NCAPD2: variants seen among roughly 807,000 people sequenced by gnomAD.
NCAPD2 encodes non-SMC condensin I complex subunit D2, also known as condensin complex subunit 1.
NCAPD2 carries 100 observed loss-of-function variants against 164.5 expected under a neutral mutation model. That is an observed-to-expected ratio of 0.61 (90% confidence interval 0.52 to 0.72). The LOEUF (loss-of-function observed/expected upper bound fraction) is 0.72, where lower values mean the gene tolerates loss of function less well. Ranked by LOEUF, NCAPD2 falls within the 30% of genes least tolerant of loss-of-function variation. NCAPD2 has a pLI of 0.00. For missense variants in NCAPD2, 1,560 were observed against 1,749.2 expected (o/e 0.89, Z 1.93); for synonymous variants, 585 against 642.6 (o/e 0.91, Z 1.36).
In NCAPD2 at chr12:6,511,193, A is replaced by C; in HGVS notation, c.528A>C (p.Leu176=). The change falls in exon 6 of 32, where the codon CTA becomes CTC. Residue 176 remains leucine (L), a synonymous_variant. Transcript: ENST00000315579. ...RQPILQLLTQ[L]LQLDIRHLWN... is the part of the protein sequence containing the mutation. ...CAATTCTTCAGCTTTTAACACAGCT[A>C]CTTCAGTTGGACATCCGTCACCTGT... 1 of 1,614,246 alleles carries C rather than the reference A, an allele frequency of 6.2e-7. No homozygotes were observed. Among genetic ancestry groups the C allele is most frequent in the Non-Finnish European group, 8.5e-7 (1 of 1,180,036 alleles).
At chr12:6,511,333 T>G in intron 6 of NCAPD2, 81 bp downstream of exon 6, 2 of 1,511,310 alleles carry the variant, frequency 1.3e-6, no homozygotes, top group Non-Finnish European at 1.8e-6. Context: ...TTTTTGGTTT[T>G]GTTTTTTTTT....
chr12:6,514,758 T>C lies in NCAPD2; in HGVS notation c.840-15T>C. ...TGATCTATGTTGCTATGGCTGTGTT[T>C]TCTTCCCTGTGTAGAGAGATTGGAC... On this transcript the variant is annotated splice_polypyrimidine_tract_variant and intron_variant, in intron 8 of 31. Transcript: ENST00000315579. 1.2e-6 allele frequency: 2 copies of C among 1,613,968 alleles called. No individual in the cohort carries two copies. The highest frequency in any genetic ancestry group is 1.7e-6 in the Non-Finnish European group (2 of 1,179,840).
Position 6,517,792 on chromosome 12 carries a change from C to T in NCAPD2, c.1422C>T (p.Asp474=). ...ACTCTCATTTAGCTGCAGTGCTGGA[C>T]CCAGAGGAGGAGTGGGAAGCCATGC... is the stretch of plus-strand genomic sequence containing the variant. The part of the protein sequence containing the change: ...RRTAAASAVL[D]PEEEWEAMLP... The change falls in exon 13 of 32, where the codon GAC becomes GAT. Residue 474 remains aspartate (D), a synonymous_variant. Transcript: ENST00000315579. 1 of 1,614,110 alleles carries T rather than the reference C, an allele frequency of 6.2e-7. No homozygotes were observed. The highest frequency in any genetic ancestry group is 1.3e-5 in the African/African-American group (1 of 75,026).
At chr12:6,510,923 A>G in intron 5 of NCAPD2, 113 bp downstream of exon 5, 1 of 1,390,880 alleles carries the variant, frequency 7.2e-7, no homozygotes, top group Non-Finnish European at 9.8e-7. Flanking sequence ...TTGAGAATTT[A>G]GGAGAAAGAA....
intron 14 of NCAPD2, 111 bp downstream of exon 14, chr12:6,521,221 C>A: frequency 7.6e-7 from 1 of 1,315,840 alleles, no homozygotes. Context: ...GCTGAAGAGC[C>A]CAGAGATGAA....
chr12:6,500,653 C>T (rs1048120372), intron 2 of NCAPD2, among the ~76,000 whole-genome samples: 1 of 152,278 alleles, frequency 6.6e-6, no homozygotes, highest in South Asian at 2.1e-4. Flanking sequence ...ATCAGGAAAT[C>T]TGTATTTTAA....
In NCAPD2 at chr12:6,511,265, G is replaced by T; in HGVS notation, c.587+13G>T. 6.2e-7 allele frequency: 1 copy of T among 1,613,852 alleles called. No individual in the cohort carries two copies. Among genetic ancestry groups the T allele is most frequent in the East Asian group, 2.2e-5 (1 of 44,884 alleles). On this transcript the variant is annotated intron_variant, in intron 6 of 31. Transcript: ENST00000315579. ...AAGAATTTGTCAGGTGGGTAGGGAG[G>T]ATGGCTACAGATAATACTGAGCTGT...
chr12:6,496,207 C>T (rs549496170), intron 2 of NCAPD2, among the ~76,000 whole-genome samples: 27 of 151,646 alleles, frequency 1.8e-4, no homozygotes, highest in African/African-American at 5.1e-4. Flanking sequence ...TACAGGTGCA[C>T]GCCACTACCA....
intron 17 of NCAPD2, 109 bp from the exon 18 acceptor site, chr12:6,525,474 A>T: frequency 7.8e-7 from 1 of 1,282,284 alleles, no homozygotes; most frequent in Non-Finnish European, 1.1e-6. Context: ...TTCTCTTCCT[A>T]AGTATTACTT....
intron 22 of NCAPD2, 117 bp downstream of exon 22, chr12:6,527,180 C>A: frequency 8.8e-7 from 1 of 1,136,276 alleles, no homozygotes; most frequent in Non-Finnish European, 1.2e-6. Context: ...AGAGTTTCTG[C>A]CTCTCTGTGG....
intron 5 of NCAPD2, 103 bp from the exon 6 acceptor site, chr12:6,511,007 T>A (rs1946141459): frequency 7.3e-7 from 1 of 1,362,902 alleles, no homozygotes; most frequent in Non-Finnish European, 1.0e-6. Context: ...CGTATTACCT[T>A]CTATGTTGTC....
chr12:6,504,813 G>A (rs767016363), intron 2 of NCAPD2, among the ~76,000 whole-genome samples: 2 of 151,966 alleles, frequency 1.3e-5, no homozygotes, highest in Non-Finnish European at 2.9e-5. Context: ...TGTATTTATC[G>A]ACACCATAAG....
chr12:6,517,706 T>G (rs762199783), intron 12 of NCAPD2, 23 bp downstream of exon 12: 2 of 1,613,944 alleles, frequency 1.2e-6, no homozygotes, highest in Non-Finnish European at 1.7e-6. Context: ...TGCCTTGGAG[T>G]CCTAATGCCA....
At chr12:6,507,155 A>G (rs1043656111) in intron 2 of NCAPD2, among the ~76,000 whole-genome samples, 10 of 152,038 alleles carry the variant, frequency 6.6e-5, no homozygotes, top group South Asian at 2.1e-4. Flanking sequence ...TTATTTATTT[A>G]TTTTTGAGAT....
At chr12:6,511,024 C>A in intron 5 of NCAPD2, 86 bp from the exon 6 acceptor site, 1 of 1,448,082 alleles carries the variant, frequency 6.9e-7, no homozygotes, top group Non-Finnish European at 9.5e-7. Context: ...TGTCTTGGTA[C>A]TAGATTGTTT....
At position 6,517,707 on chromosome 12, in the gene NCAPD2, C is replaced by G. The variant is rs765412229; in HGVS notation, c.1408+24C>G. On this transcript the variant is annotated intron_variant, in intron 12 of 31. Coordinates refer to ENST00000315579, the MANE Select transcript of NCAPD2 (RefSeq NM_014865.4). ...TTGTAAGTAGTTACTGCCTTGGAGT[C>G]CTAATGCCAGACAGGCTTCTCCTTG... The G allele has an allele frequency of 2.9e-5, 47 of 1,614,002 alleles. No individual in the cohort carries two copies. In the South Asian group the frequency reaches 5.1e-4, roughly 17 times the overall value.
At chr12:6,495,482 A>G (rs551978798) in intron 2 of NCAPD2, among the ~76,000 whole-genome samples, 1 of 152,334 alleles carries the variant, frequency 6.6e-6, no homozygotes, top group South Asian at 2.1e-4. Context: ...GTTATTTTCC[A>G]TCTTTACCCC....
At chr12:6,500,692 A>G (rs1261004268) in intron 2 of NCAPD2, among the ~76,000 whole-genome samples, 1 of 152,190 alleles carries the variant, frequency 6.6e-6, no homozygotes, top group Non-Finnish European at 1.5e-5. Flanking sequence ...TTTGGATGCA[A>G]TTATAAGCTT....
Position 6,521,991 on chromosome 12 carries a change from G to C in NCAPD2, c.1908G>C (p.Glu636Asp). The change falls in exon 15 of 32, where the codon GAG (glutamate) becomes GAC (aspartate). Residue 636 changes from glutamate (E) to aspartate (D), a missense_variant. Physicochemically the swap from Glu to Asp is conservative, Grantham distance 45 (BLOSUM62 2). Coordinates refer to ENST00000315579, the MANE Select transcript of NCAPD2 (RefSeq NM_014865.4). ...ACAGCTTCTCCCGGAAGATTACAGA[G>C]GCCATTGGCATCATCAGCAAGATGA... ...DAYSFSRKIT[E>D]AIGIISKMMY... is the part of the protein sequence containing the mutation. 6.2e-7 allele frequency: 1 copy of C among 1,614,152 alleles called. No individual in the cohort carries two copies.
Sources: allele counts gnomAD v4.1 joint callset (sites outside exome capture counted in the v4.1 genomes callset), GRCh38; gene constraint gnomAD v4.1.1; transcripts MANE v1.5; gene names NCBI Gene and HGNC (gene_info 2026-07-23, HGNC 2026-07-21).